The following GSK3B variants were observed in gnomAD, a reference collection of about 807,000 sequenced individuals.
GSK3B encodes the protein glycogen synthase kinase-3 beta.
A neutral mutation model predicts 56.4 loss-of-function variants in GSK3B; 15 were observed. That is an observed-to-expected ratio of 0.27 (90% CI 0.18 to 0.41). The LOEUF is 0.41. Among genes scored for constraint, GSK3B ranks in the 10% least tolerant of loss-of-function variants. The probability of loss-of-function intolerance (pLI) is 1.00; values close to 1 mark genes in which losing one functional copy is unlikely to be tolerated. For synonymous variants in GSK3B, 181 were observed against 188.9 expected, an observed-to-expected ratio of 0.96 and a Z score of 0.34; for missense variants, 300 against 513.4, an observed-to-expected ratio of 0.58 and a Z score of 4.02.
chr3:120,008,952 T>TA (rs2057753857), intron 1 of GSK3B, among the ~76,000 whole-genome samples: 2 of 151,516 alleles, frequency 1.3e-5, no homozygotes, highest in South Asian at 4.3e-4. Context: ...AGGGCTAATA[T>TA]AAAGAATCTA....
At chr3:119,831,858 A>G (rs2055606434) in intron 10 of GSK3B, among the ~76,000 whole-genome samples, 1 of 152,224 alleles carries the variant, frequency 6.6e-6, no homozygotes, top group African/African-American at 2.4e-5. Context: ...TGGAAAAACA[A>G]GTAAACAAAA....
intron 1 of GSK3B, among the ~76,000 whole-genome samples, chr3:120,055,538 T>C (rs997393297): frequency 5.3e-5 from 8 of 152,182 alleles, no homozygotes; most frequent in African/African-American, 1.9e-4. Context: ...TCAGTATGAA[T>C]GAAAAATCTT....
chr3:120,034,891 G>A (rs887541840), intron 1 of GSK3B, among the ~76,000 whole-genome samples: 2 of 152,002 alleles, frequency 1.3e-5, no homozygotes, highest in Non-Finnish European at 2.9e-5. Flanking sequence ...TTGAGGTCAG[G>A]AGCTCATGAC....
At chr3:119,966,495 G>C (rs1241879591) in intron 2 of GSK3B, among the ~76,000 whole-genome samples, 1 of 152,150 alleles carries the variant, frequency 6.6e-6, no homozygotes, top group Non-Finnish European at 1.5e-5. Flanking sequence ...TCTCTATTCA[G>C]TAACTTGGGA....
intron 3 of GSK3B, among the ~76,000 whole-genome samples, chr3:119,927,389 T>C (rs1273136309): frequency 6.6e-6 from 1 of 152,106 alleles, no homozygotes; most frequent in Non-Finnish European, 1.5e-5. Flanking sequence ...GTCCAAAGGC[T>C]GAATCAGGGC....
chr3:119,976,135 T>C (rs1051825269), intron 2 of GSK3B, among the ~76,000 whole-genome samples: 1 of 152,170 alleles, frequency 6.6e-6, no homozygotes, highest in African/African-American at 2.4e-5. Flanking sequence ...CTTTAGAAAA[T>C]AGGTACAGCT....
chr3:120,038,586 A>T (rs556608622), intron 1 of GSK3B, among the ~76,000 whole-genome samples: 5 of 152,332 alleles, frequency 3.3e-5, no homozygotes, highest in Admixed American at 1.3e-4. Context: ...TTTTTCTGAA[A>T]AATGGTACTA....
At chr3:120,061,272 T>C (rs569987941) in intron 1 of GSK3B, among the ~76,000 whole-genome samples, 11 of 152,358 alleles carry the variant, frequency 7.2e-5, no homozygotes, top group Admixed American at 4.6e-4. Context: ...AGATAATACA[T>C]GTTTACTGTA....
chr3:119,876,068 T>C (rs2056308560), intron 8 of GSK3B, among the ~76,000 whole-genome samples: 2 of 152,162 alleles, frequency 1.3e-5, no homozygotes, highest in South Asian at 2.1e-4. Context: ...TGATATGCTA[T>C]ATGATATTAA....
intron 7 of GSK3B, among the ~76,000 whole-genome samples, chr3:119,896,016 T>C (rs1423736601): frequency 6.6e-6 from 1 of 151,358 alleles, no homozygotes. Context: ...TAGTCCCAGA[T>C]ACTCAGGAGG....
intron 2 of GSK3B, among the ~76,000 whole-genome samples, chr3:119,963,231 T>C (rs1436834422): frequency 6.6e-6 from 1 of 152,208 alleles, no homozygotes; most frequent in African/African-American, 2.4e-5. Flanking sequence ...CCTGTGTTCA[T>C]GGATTAAATT....
intron 5 of GSK3B, among the ~76,000 whole-genome samples, chr3:119,913,119 A>C (rs1261372774): frequency 6.6e-6 from 1 of 152,078 alleles, no homozygotes; most frequent in African/African-American, 2.4e-5. Context: ...CCACCTCTAA[A>C]ATACAAAGAA....
chr3:120,028,748 G>A (rs371783957), intron 1 of GSK3B: 30 of 473,020 alleles, frequency 6.3e-5, no homozygotes, highest in African/African-American at 3.7e-4. Context: ...AGATGGCCTG[G>A]TGAGGCTGGG....
intron 1 of GSK3B, among the ~76,000 whole-genome samples, chr3:120,054,651 C>CTT (rs1429626219): frequency 2.0e-5 from 3 of 152,110 alleles, no homozygotes; most frequent in Non-Finnish European, 4.4e-5. Context: ...CTTCTCTTCT[C>CTT]CTACTAAAAA....
intron 2 of GSK3B, among the ~76,000 whole-genome samples, chr3:119,994,884 G>C (rs1039544488): frequency 1.3e-5 from 2 of 152,076 alleles, no homozygotes; most frequent in Non-Finnish European, 2.9e-5. Flanking sequence ...CTGCATATTA[G>C]ATAATAGTAT....
chr3:120,091,342 T>C (rs1400869670), intron 1 of GSK3B, among the ~76,000 whole-genome samples: 1 of 152,158 alleles, frequency 6.6e-6, no homozygotes, highest in Non-Finnish European at 1.5e-5. Flanking sequence ...AACACATAAT[T>C]AACACTAAAC....
intron 7 of GSK3B, among the ~76,000 whole-genome samples, chr3:119,888,078 A>C (rs1183815770): frequency 1.2e-4 from 19 of 152,138 alleles, no homozygotes; most frequent in Non-Finnish European, 2.9e-5. Context: ...TCTTCACCAC[A>C]AAAAAGTAGT....
At chr3:119,857,116 G>C (rs1268726130) in intron 9 of GSK3B, among the ~76,000 whole-genome samples, 3 of 152,182 alleles carry the variant, frequency 2.0e-5, no homozygotes, top group Non-Finnish European at 4.4e-5. Context: ...AGCCTTCTGC[G>C]AGTCATCTTT....
At chr3:120,093,278 C>A in intron 1 of GSK3B, 69 bp downstream of exon 1, 2 of 1,001,720 alleles carry the variant, frequency 2.0e-6, no homozygotes, top group South Asian at 1.3e-5. Context: ...ATTTCAGATC[C>A]TGGTATTTCG....
Sources: allele counts gnomAD v4.1 joint callset (sites outside exome capture counted in the v4.1 genomes callset), GRCh38; gene constraint gnomAD v4.1.1; transcripts MANE v1.5; gene names NCBI Gene and HGNC (gene_info 2026-07-23, HGNC 2026-07-21).